Variants in SLC11A1 observed in about 807,000 individuals in gnomAD.
SLC11A1 encodes the protein solute carrier family 11 member 1.
In SLC11A1, 59 loss-of-function variants were observed where a neutral mutation model predicts 63.2. The observed-to-expected ratio is 0.93, with a 90% CI of 0.76 to 1.16. SLC11A1 has a LOEUF of 1.16. Ranked by LOEUF, SLC11A1 falls within the 50% of genes most tolerant of loss-of-function variation. The pLI is 0.00. For synonymous variants in SLC11A1, 305 were observed against 307.8 expected (o/e 0.99, Z 0.09); for missense variants, 688 against 730.7 (o/e 0.94, Z 0.67).
intron 1 of SLC11A1, 41 bp downstream of exon 1, chr2:218,382,416 G>A: frequency 1.2e-6 from 2 of 1,610,540 alleles, no homozygotes; most frequent in South Asian, 2.2e-5. Context: ...ATTGGGGGGT[G>A]GAGTGGAGGA....
At position 218,382,330 on chromosome 2, in the gene SLC11A1, A is replaced by G; in HGVS notation, c.-39A>G. ...TGCAGGCTGAGGAGCTGCCCAGAGC[A>G]CCGCTCACACTCCCAGAGTACCTGA... On this transcript the variant is annotated 5_prime_UTR_variant, in exon 1 of 15. Coordinates refer to ENST00000233202, the MANE Select transcript of SLC11A1 (RefSeq NM_000578.4). 3 of 1,612,142 alleles carry G rather than the reference A, an allele frequency of 1.9e-6. No individual in the cohort carries two copies. Among genetic ancestry groups the G allele is most frequent in the Non-Finnish European group, 2.5e-6 (3 of 1,178,950 alleles).
chr2:218,385,358 C>G, intron 4 of SLC11A1, 92 bp downstream of exon 4: 1 of 1,528,260 alleles, frequency 6.5e-7, no homozygotes, highest in Non-Finnish European at 9.1e-7. Context: ...TACATCATCT[C>G]ACATGGGGCA....
rs534811774 is a variant in SLC11A1, at chr2:218,394,002, G to A, written c.1315-118G>A. The A allele has an allele frequency of 3.6e-4, 339 of 932,700 alleles. 1 individual carries two copies. In the African/African-American group the frequency reaches 4.9e-3, roughly 14 times the overall value. 57.8% of individuals were successfully genotyped at this position (932,700 alleles called of 1,614,324 possible). Reference sequence around the variant, plus strand: ...GAGACGGGGAAGTAGGCTCAGTGTGGTTAGGGCAGTTGAGCTCACACCCAC... The same window carrying A: ...GAGACGGGGAAGTAGGCTCAGTGTGATTAGGGCAGTTGAGCTCACACCCAC... On this transcript the variant is annotated intron_variant, in intron 12 of 14. Coordinates refer to ENST00000233202, the MANE Select transcript of SLC11A1 (RefSeq NM_000578.4).
chr2:218,390,540 G>T (rs1696368428), intron 9 of SLC11A1, among the ~76,000 whole-genome samples: 1 of 152,206 alleles, frequency 6.6e-6, no homozygotes, highest in Admixed American at 6.5e-5. Context: ...CTGCAGCCAG[G>T]GTTGGGGGCT....
chr2:218,392,219 C>T (rs1696498916), intron 11 of SLC11A1: 2 of 268,018 alleles, frequency 7.5e-6, no homozygotes, highest in South Asian at 5.8e-5. Context: ...TACAGGCCAC[C>T]ACACCCAGCT....
In SLC11A1 at chr2:218,386,749, C is replaced by T. The variant is rs1480211871; in HGVS notation, c.500+8C>T. ...TCTGCTCTCAGCTGGACGGTACCAC[C>T]CCAGTGTACCCCAACTCTTCAGGCC... On this transcript the variant is annotated splice_region_variant and intron_variant, in intron 5 of 14. Transcript: ENST00000233202. 2 of 1,595,762 alleles carry T rather than the reference C, an allele frequency of 1.3e-6. No individual in the cohort carries two copies. The highest frequency in any genetic ancestry group is 1.1e-5 in the South Asian group (1 of 90,560).
chr2:218,390,150 T>A (rs1166320860), intron 9 of SLC11A1, 122 bp downstream of exon 9: 2 of 1,012,506 alleles, frequency 2.0e-6, no homozygotes, highest in Non-Finnish European at 2.8e-6. Context: ...ATCTTCCCTG[T>A]TGGCAGATAT....
intron 4 of SLC11A1, among the ~76,000 whole-genome samples, 177 bp from the exon 5 acceptor site, chr2:218,386,458 A>T (rs1218519667): frequency 1.3e-5 from 2 of 151,732 alleles, no homozygotes; most frequent in Non-Finnish European, 2.9e-5. Context: ...ATTTCGAAAA[A>T]AAAAAAAAAA....
At chr2:218,391,338 G>T (rs779292663) in intron 10 of SLC11A1, 38 bp from the exon 11 acceptor site, 2 of 1,613,914 alleles carry the variant, frequency 1.2e-6, no homozygotes. Context: ...TCCCCGCCTC[G>T]GGCAGGGCCA....
Position 218,384,525 on chromosome 2 carries a change from G to A in SLC11A1, c.273+160G>A, listed in dbSNP as rs867594778. 2 of 652,156 alleles carry A rather than the reference G, an allele frequency of 3.1e-6. No individual in the cohort carries two copies. The highest frequency in any genetic ancestry group is 8.1e-4 in the Middle Eastern group (2 of 2,478). The allele number at this position is 652,156 out of a possible 1,614,324, so 40.4% of individuals were successfully genotyped here. On this transcript the variant is annotated intron_variant, in intron 3 of 14. Transcript: ENST00000233202. The surrounding 1 kb of genome is among the most constrained non-coding windows in gnomAD (Gnocchi z 4.0). ...GTCCCCAGGGCAGCCCTGCCAGAAG[G>A]TGGGGCATTTGTGTGGGGGGTAGGG...
chr2:218,382,935 C>T (rs985831839), intron 1 of SLC11A1, 25 bp from the exon 2 acceptor site: 8 of 1,613,970 alleles, frequency 5.0e-6, no homozygotes, highest in Non-Finnish European at 5.9e-6. Context: ...GCAGGACACT[C>T]ACCATGCTTC....
At position 218,384,484 on chromosome 2, in the gene SLC11A1, A is replaced by G. The variant is rs1695970289; in HGVS notation, c.273+119A>G. 5 of 1,303,944 alleles carry G rather than the reference A, an allele frequency of 3.8e-6. No homozygotes were observed. The South Asian group carries it at 7.9e-5, about 21-fold the overall frequency. 80.8% of individuals were successfully genotyped at this position (1,303,944 alleles called of 1,614,324 possible). On this transcript the variant is annotated intron_variant, in intron 3 of 14. Coordinates refer to ENST00000233202, the MANE Select transcript of SLC11A1 (RefSeq NM_000578.4). The surrounding 1 kb of genome is among the most constrained non-coding windows in gnomAD (Gnocchi z 4.0). The stretch of plus-strand genomic sequence containing the variant: ...GGCCTGGGAGCTGGTGTTAAGTTCA[A>G]ATGGGCCCGAAAAGGGTCCCCAGGG...
chr2:218,394,218 T>G, intron 13 of SLC11A1, 25 bp downstream of exon 13: 1 of 1,608,130 alleles, frequency 6.2e-7, no homozygotes, highest in Non-Finnish European at 8.5e-7. Flanking sequence ...TCCCAAGTGC[T>G]GGATTGCATC....
At position 218,387,868 on chromosome 2, in the gene SLC11A1, C is replaced by T; in HGVS notation, c.708C>T (p.Cys236=). Residue 236 remains cysteine, a synonymous_variant, in exon 8 of 15, where the codon TGC becomes TGT. Coordinates refer to ENST00000233202, the MANE Select transcript of SLC11A1 (RefSeq NM_000578.4). ...TGTTCCTGCCCTCGTGCCCGGGCTGCGGCCACCCCGAGCTGCTGCAGGCGG... is the reference window on the plus strand; with the variant it reads ...TGTTCCTGCCCTCGTGCCCGGGCTGTGGCCACCCCGAGCTGCTGCAGGCGG... ...RGLFLPSCPG[C]GHPELLQAVG... 6.2e-7 allele frequency: 1 copy of T among 1,601,384 alleles called. No homozygotes were observed. The highest frequency in any genetic ancestry group is 8.5e-7 in the Non-Finnish European group (1 of 1,174,284).
chr2:218,393,027 C>T lies in SLC11A1; in HGVS notation c.1211C>T (p.Thr404Ile). Residue 404 changes from threonine to isoleucine, a missense_variant, in exon 12 of 15, where the codon ACC becomes ATC. Coordinates refer to ENST00000233202, the MANE Select transcript of SLC11A1 (RefSeq NM_000578.4). ...RWSRFARVLL[T>I]RSCAILPTVL... is the part of the protein sequence containing the mutation. Reference sequence around the variant, plus strand: ...TCACGCTTCGCCCGTGTCCTCCTCACCCGCTCCTGCGCCATCCTGCCCACC... The same window carrying T: ...TCACGCTTCGCCCGTGTCCTCCTCATCCGCTCCTGCGCCATCCTGCCCACC... 6.3e-7 allele frequency: 1 copy of T among 1,599,768 alleles called. No homozygotes were observed.
Position 218,384,960 on chromosome 2 carries a change from C to A in SLC11A1, c.274-187C>A. On this transcript the variant is annotated intron_variant, in intron 3 of 14. Coordinates refer to ENST00000233202, the MANE Select transcript of SLC11A1 (RefSeq NM_000578.4). This position sits in a 1 kb window ranked among gnomAD's most constrained non-coding sequence, Gnocchi z 4.0. ...CTGCTCTTGAACTCCTGGACTCAAG[C>A]AATCCTCCCACCTTAGCCTTTTAAA... The A allele has an allele frequency of 1.6e-6, 1 of 633,260 alleles. No homozygotes were observed. The highest frequency in any genetic ancestry group is 2.7e-6 in the Non-Finnish European group (1 of 375,334). 39.2% of individuals were successfully genotyped at this position (633,260 alleles called of 1,614,324 possible).
At chr2:218,388,077 A>C in intron 8 of SLC11A1, 122 bp downstream of exon 8, 3 of 1,213,002 alleles carry the variant, frequency 2.5e-6, no homozygotes, top group Non-Finnish European at 3.4e-6. Flanking sequence ...GCCTGTAATA[A>C]TTGAGGGACA....
chr2:218,390,824 GA>G (rs1696386360), intron 9 of SLC11A1, among the ~76,000 whole-genome samples: 2 of 152,116 alleles, frequency 1.3e-5, no homozygotes, highest in South Asian at 4.1e-4. Flanking sequence ...AAAGAAGCTG[GA>G]AACTGGGTTC....
At chr2:218,386,536 T>C (rs1574765579) in intron 4 of SLC11A1, 99 bp from the exon 5 acceptor site, 1 of 781,204 alleles carries the variant, frequency 1.3e-6, no homozygotes, top group Admixed American at 2.1e-5. Flanking sequence ...TTGGCCAGAC[T>C]GTCTAGTAAA....
Sources: gnomAD v4.1 joint callset for allele counts (sites outside exome capture counted in the v4.1 genomes callset) on GRCh38, gnomAD v4.1.1 for gene constraint, Gnocchi (gnomAD v3.1) non-coding constraint, MANE v1.5 for transcripts, NCBI Gene and HGNC (gene_info 2026-07-23, HGNC 2026-07-21) for gene names.